Variants in FYCO1 observed in about 807,000 individuals in gnomAD.
FYCO1 encodes FYVE and coiled-coil domain-containing protein 1.
FYCO1 carries 122 observed loss-of-function variants against 165.1 expected under a neutral mutation model. The observed-to-expected ratio is 0.74, with a 90% CI of 0.64 to 0.86. The LOEUF (loss-of-function observed/expected upper bound fraction) is 0.86. FYCO1 is among the 40% of genes least tolerant of loss of function. FYCO1 has a pLI of 0.00. For synonymous variants in FYCO1, 648 were observed against 742.5 expected, an observed-to-expected ratio of 0.87 and a Z score of 2.07; for missense variants, 1,702 against 1,810.3, an observed-to-expected ratio of 0.94 and a Z score of 1.09.
At chr3:45,942,891 C>G (rs745829057) in intron 14 of FYCO1, among the ~76,000 whole-genome samples, 1 of 152,158 alleles carries the variant, frequency 6.6e-6, no homozygotes, top group Non-Finnish European at 1.5e-5. Flanking sequence ...TCTGGCAGAC[C>G]CATCATCATG....
chr3:45,968,312 T>A lies in FYCO1; in HGVS notation c.1022A>T (p.Glu341Val). 6.2e-7 allele frequency: 1 copy of A among 1,613,866 alleles called. No individual in the cohort carries two copies. The highest frequency in any genetic ancestry group is 1.3e-5 in the African/African-American group (1 of 75,046). Residue 341 changes from glutamate to valine, a missense_variant, in exon 8 of 18, where the codon GAG becomes GTG. Physicochemically the swap from Glu to Val is moderately radical, Grantham distance 121. Coordinates refer to ENST00000296137, the MANE Select transcript of FYCO1 (RefSeq NM_024513.4). ...EDYHTALRRL[E>V]SMLQPLAQEL... Reference sequence around the variant, plus strand: ...CTGTGCCAAGGGCTGCAGCATGGACTCCAGCCGCCGCAGGGCTGTGTGGTA... The same window carrying A: ...CTGTGCCAAGGGCTGCAGCATGGACACCAGCCGCCGCAGGGCTGTGTGGTA...
intron 17 of FYCO1, among the ~76,000 whole-genome samples, chr3:45,923,271 G>T (rs1703172057): frequency 2.0e-5 from 3 of 152,106 alleles, no homozygotes; most frequent in Admixed American, 2.0e-4. Context: ...TCTTTCCATT[G>T]TATTTCCTAA....
chr3:45,966,199 A>T, intron 8 of FYCO1, 78 bp downstream of exon 8: 1 of 1,470,152 alleles, frequency 6.8e-7, no homozygotes, highest in Non-Finnish European at 9.4e-7. Flanking sequence ...CCTCATGGCT[A>T]AAGGTGCATC....
Position 45,968,184 on chromosome 3 carries a change from C to T in FYCO1, c.1150G>A (p.Asp384Asn), listed in dbSNP as rs779546408. The T allele has an allele frequency of 6.2e-7, 1 of 1,614,064 alleles. No homozygotes were observed. The highest frequency in any genetic ancestry group is 2.2e-5 in the East Asian group (1 of 44,874). ...MAQQKADTAS[D>N]TKGRQEPIPS... is the part of the protein sequence containing the mutation. ...ATAGGTTCTTGCCGGCCCTTTGTGT[C>T]TGATGCCGTATCTGCCTTCTGCTGA... The change falls in exon 8 of 18, where the codon GAC (aspartate) becomes AAC (asparagine). Residue 384 changes from aspartate (D) to asparagine (N), a missense_variant. Asp to Asn is a conservative substitution (Grantham distance 23, BLOSUM62 1). Transcript: ENST00000296137.
intron 14 of FYCO1, chr3:45,945,028 AAG>A (rs2125819818): frequency 6.6e-6 from 1 of 152,266 alleles, no homozygotes; most frequent in African/African-American, 2.4e-5. Flanking sequence ...GATTTTTATT[AAG>A]CAGTCTTAGC....
intron 4 of FYCO1, 87 bp from the exon 5 acceptor site, chr3:45,975,432 A>G: frequency 2.0e-6 from 2 of 985,104 alleles, no homozygotes; most frequent in Non-Finnish European, 1.6e-6. Flanking sequence ...TGTGAAACAC[A>G]GATACAGGGC....
intron 3 of FYCO1, 149 bp downstream of exon 3, chr3:45,981,421 C>T (rs1575385039): frequency 1.5e-6 from 1 of 685,238 alleles, no homozygotes; most frequent in Non-Finnish European, 2.7e-6. Flanking sequence ...ATTGAGCTGG[C>T]ACTGGGGACT....
chr3:45,974,671 C>A (rs929066793), intron 5 of FYCO1, among the ~76,000 whole-genome samples: 2 of 152,088 alleles, frequency 1.3e-5, no homozygotes, highest in African/African-American at 4.8e-5. Flanking sequence ...AAGCTGACAC[C>A]CATTCTCCCC....
At chr3:45,975,406 G>T (rs750730751) in intron 4 of FYCO1, 61 bp from the exon 5 acceptor site, 9 of 1,264,368 alleles carry the variant, frequency 7.1e-6, no homozygotes, top group African/African-American at 1.5e-5. Flanking sequence ...ATACAGACCT[G>T]GTCTCATAGA....
Position 45,921,798 on chromosome 3 carries a change from C to T in FYCO1, c.4404G>A (p.Arg1468=), listed in dbSNP as rs1245534687. The change falls in exon 18 of 18, where the codon CGG becomes CGA. Residue 1468 remains arginine, a synonymous_variant. Transcript: ENST00000296137. The stretch of plus-strand genomic sequence containing the variant: ...AATCACTTCCATCGTAGATCACAGG[C>T]CGATCAACCGTCAAGTGATAAAATA... ...KKVFYHLTVD[R]PVIYDGSDFL The T allele has an allele frequency of 6.2e-7, 1 of 1,612,834 alleles. No homozygotes were observed. Among genetic ancestry groups the T allele is most frequent in the Non-Finnish European group, 8.5e-7 (1 of 1,178,906 alleles).
At chr3:45,984,356 G>A (rs139337536) in intron 2 of FYCO1, among the ~76,000 whole-genome samples, 275 of 152,358 alleles carry the variant, frequency 1.8e-3, no homozygotes, top group African/African-American at 6.3e-3. Context: ...GCTGAGCTCA[G>A]GGAAGTCTGG....
intron 16 of FYCO1, among the ~76,000 whole-genome samples, chr3:45,928,484 C>T (rs1053681031): frequency 5.1e-4 from 78 of 152,350 alleles, no homozygotes; most frequent in Non-Finnish European, 1.8e-4. Context: ...GATTCACACT[C>T]TCCAATCTCA....
Position 45,984,901 on chromosome 3 carries a change from T to C in FYCO1, c.10A>G (p.Thr4Ala). The change falls in exon 2 of 18, where the codon ACC (threonine) becomes GCC (alanine). Residue 4 changes from threonine (T) to alanine (A), a missense_variant. By Grantham distance (58) the Thr-to-Ala change is moderately conservative (BLOSUM62 0). Transcript: ENST00000296137. The part of the protein sequence containing the change: MAS[T>A]NAESQLQRII... ...CTCTGGAGCTGGCTCTCTGCATTGG[T>C]GGAGGCCATGGTGAGTTTGCCTTTC... The C allele has an allele frequency of 6.2e-7, 1 of 1,614,184 alleles. No homozygotes were observed. Among genetic ancestry groups the C allele is most frequent in the Non-Finnish European group, 8.5e-7 (1 of 1,180,026 alleles).
At position 45,962,762 on chromosome 3, in the gene FYCO1, C is replaced by G. The variant is rs1252185329; in HGVS notation, c.3270-370G>C. 6.6e-6 allele frequency among the ~76,000 whole-genome samples: 1 copy of G among 152,110 alleles called. No homozygotes were observed. The highest frequency in any genetic ancestry group is 1.9e-4 in the East Asian group (1 of 5,184). Reference sequence around the variant, plus strand: ...GAGAAAGGAGTCAGGACAGGCAGGACAGAGGTGTAGCTTCCTGGAGGTGGC... The same window carrying G: ...GAGAAAGGAGTCAGGACAGGCAGGAGAGAGGTGTAGCTTCCTGGAGGTGGC... On this transcript the variant is annotated intron_variant, in intron 10 of 17. Transcript: ENST00000296137. The surrounding 1 kb of genome is among the most constrained non-coding windows in gnomAD (Gnocchi z 4.4).
intron 1 of FYCO1, among the ~76,000 whole-genome samples, chr3:45,992,993 C>T (rs562345245): frequency 5.3e-5 from 8 of 152,300 alleles, no homozygotes; most frequent in Admixed American, 3.9e-4. Context: ...TCCCCTAACT[C>T]GGGTTCCTGG....
At chr3:45,951,180 G>T (rs542403409) in intron 14 of FYCO1, among the ~76,000 whole-genome samples, 25 of 152,286 alleles carry the variant, frequency 1.6e-4, no homozygotes, top group African/African-American at 5.3e-4. Flanking sequence ...CTCAGCCCCT[G>T]ATGACACATC....
chr3:45,954,162 T>C (rs1369413416), intron 14 of FYCO1, among the ~76,000 whole-genome samples: 1 of 152,212 alleles, frequency 6.6e-6, no homozygotes, highest in Admixed American at 6.5e-5. Flanking sequence ...CCCATGACTT[T>C]GAATGCAGCC....
intron 14 of FYCO1, among the ~76,000 whole-genome samples, chr3:45,944,467 G>A (rs1360421358): frequency 6.6e-6 from 1 of 151,934 alleles, no homozygotes; most frequent in Non-Finnish European, 1.5e-5. Flanking sequence ...TCTATTTTAT[G>A]TATGAATTGT....
Position 45,959,554 on chromosome 3 carries a change from C to A in FYCO1, c.3438-12G>T. The A allele has an allele frequency of 6.2e-7, 1 of 1,613,382 alleles. No individual in the cohort carries two copies. The highest frequency in any genetic ancestry group is 8.5e-7 in the Non-Finnish European group (1 of 1,179,404). ...GAGCATCCTTGTCCCTGGGACAAAA[C>A]CACATTGGAAGAAAAGGAGAGAGAA... On this transcript the variant is annotated splice_polypyrimidine_tract_variant and intron_variant, in intron 11 of 17. Transcript: ENST00000296137.
Sources: allele counts gnomAD v4.1 joint callset (sites outside exome capture counted in the v4.1 genomes callset), GRCh38; gene constraint gnomAD v4.1.1; non-coding constraint Gnocchi (gnomAD v3.1); transcripts MANE v1.5; gene names NCBI Gene and HGNC (gene_info 2026-07-23, HGNC 2026-07-21).